NDUFA5: variants seen among roughly 807,000 people sequenced by gnomAD.
The protein encoded by NDUFA5 is NADH dehydrogenase [ubiquinone] 1 alpha subcomplex subunit 5.
NDUFA5 carries 11 observed loss-of-function variants against 19.8 expected under a neutral mutation model. The ratio of observed to expected loss-of-function variants is 0.56; its 90% CI spans 0.35 to 0.92. The LOEUF (loss-of-function observed/expected upper bound fraction) is 0.92, where lower values mean the gene tolerates loss of function less well. Among genes scored for constraint, NDUFA5 ranks in the 40% least tolerant of loss-of-function variants. NDUFA5 has a pLI of 0.01. For synonymous variants in NDUFA5, 47 were observed against 46.8 expected (o/e 1.00, Z -0.01); for missense variants, 109 against 134.2 (o/e 0.81, Z 0.93).
chr7:123,542,299 A>G (rs2117450442), intron 4 of NDUFA5, 79 bp from the exon 5 acceptor site: 2 of 975,522 alleles, frequency 2.1e-6, no homozygotes, highest in East Asian at 2.6e-5. Context: ...AAATTTAACT[A>G]TTAGTTACTA....
chr7:123,581,414 TAAAAAAAAA>T, the NDUFA5 span, among the ~76,000 whole-genome samples: 4 of 124,458 alleles, frequency 3.2e-5, no homozygotes, highest in African/African-American at 5.9e-5. Context: ...AGTGAGCACT[TAAAAAAAAA>T]AAAAAAAAAG....
chr7:123,588,799 A>T, the NDUFA5 span, among the ~76,000 whole-genome samples: 1 of 151,044 alleles, frequency 6.6e-6, no homozygotes, highest in Non-Finnish European at 1.5e-5. Context: ...AAGAGTTTTT[A>T]AATTTCCCTT....
At chr7:123,557,731 A>AC in intron 1 of NDUFA5, 44 bp downstream of exon 1, 1 of 1,612,958 alleles carries the variant, frequency 6.2e-7, no homozygotes. Context: ...GACTGAGTCT[A>AC]CCCCCACAGT....
the NDUFA5 span, among the ~76,000 whole-genome samples, chr7:123,577,398 T>A: frequency 6.6e-6 from 1 of 152,190 alleles, no homozygotes; most frequent in Non-Finnish European, 1.5e-5. Context: ...CAGTTTCCCT[T>A]CCTTTAACAG....
chr7:123,552,959 C>G (rs1243214983), intron 2 of NDUFA5, among the ~76,000 whole-genome samples: 1 of 152,192 alleles, frequency 6.6e-6, no homozygotes, highest in African/African-American at 2.4e-5. Context: ...AGCTTTCTTG[C>G]AATGTATTTT....
At chr7:123,546,798 A>G in intron 3 of NDUFA5, 1 of 772,252 alleles carries the variant, frequency 1.3e-6, no homozygotes, top group Non-Finnish European at 1.9e-6. Flanking sequence ...TTAACTACTG[A>G]TAATTTGCAT....
the NDUFA5 span, among the ~76,000 whole-genome samples, chr7:123,582,766 T>C: frequency 6.6e-6 from 1 of 151,988 alleles, no homozygotes; most frequent in African/African-American, 2.4e-5. Context: ...TGATCATCTA[T>C]TCATCCCCTC....
At chr7:123,567,076 G>A in the NDUFA5 span, 1 of 152,328 alleles carries the variant, frequency 6.6e-6, no homozygotes, top group East Asian at 1.9e-4. Flanking sequence ...AGAGCTATTT[G>A]ATCCTGACTA....
chr7:123,573,966 C>T, the NDUFA5 span, among the ~76,000 whole-genome samples: 17 of 152,104 alleles, frequency 1.1e-4, no homozygotes, highest in African/African-American at 3.9e-4. Context: ...TTTAACTGAA[C>T]TTCATTAGGT....
Position 123,541,895 on chromosome 7 carries a change from G to A in NDUFA5, c.*224C>T, listed in dbSNP as rs374481110. ...TTTCAAATCTTCCCATGGCCTCTCT[G>A]TTCACAGAAATATCATCTTTGAAAC... On this transcript the variant is annotated 3_prime_UTR_variant, in exon 5 of 5. Coordinates refer to ENST00000355749, the MANE Select transcript of NDUFA5 (RefSeq NM_005000.5). The A allele has an allele frequency of 7.7e-4, 229 of 297,894 alleles. 1 individual carries two copies. The highest frequency in any genetic ancestry group is 4.3e-3 in the African/African-American group (198 of 45,856). 18.5% of individuals were successfully genotyped at this position (297,894 alleles called of 1,614,324 possible). A position where few individuals can be genotyped will look rare whatever the true frequency, so the allele number is the denominator to read the frequency against.
chr7:123,575,461 A>G, the NDUFA5 span, among the ~76,000 whole-genome samples: 4 of 152,096 alleles, frequency 2.6e-5, no homozygotes, highest in African/African-American at 4.8e-5. Context: ...ATCATACACA[A>G]TTAAAGAAAA....
chr7:123,560,882 A>G (rs1562902107), upstream of NDUFA5, among the ~76,000 whole-genome samples: 1 of 152,244 alleles, frequency 6.6e-6, no homozygotes, highest in African/African-American at 2.4e-5. Flanking sequence ...AGCAATCAAT[A>G]TACAAAAATA....
At chr7:123,545,061 T>C (rs184448137) in intron 4 of NDUFA5, among the ~76,000 whole-genome samples, 267 of 152,134 alleles carry the variant, frequency 1.8e-3, no homozygotes, top group African/African-American at 6.1e-3. Context: ...TGTTAATAAT[T>C]TTTCTAATCT....
At chr7:123,560,902 C>T (rs191359973), upstream of NDUFA5, among the ~76,000 whole-genome samples, 38 of 152,184 alleles carry the variant, frequency 2.5e-4, no homozygotes, top group Admixed American at 2.2e-3. Context: ...ATGCTCTAGT[C>T]TATTATAGCA....
chr7:123,577,743 A>G, the NDUFA5 span, among the ~76,000 whole-genome samples: 1 of 152,118 alleles, frequency 6.6e-6, no homozygotes, highest in Non-Finnish European at 1.5e-5. Context: ...TTTTAAATCC[A>G]CTAACTGTTC....
upstream of NDUFA5, chr7:123,558,341 G>A (rs537212654): frequency 1.3e-5 from 2 of 154,384 alleles, no homozygotes; most frequent in African/African-American, 4.8e-5. Context: ...GATTTCACTG[G>A]CTGAAATACA....
chr7:123,581,472 G>A, the NDUFA5 span, among the ~76,000 whole-genome samples: 1 of 150,740 alleles, frequency 6.6e-6, no homozygotes, highest in Non-Finnish European at 1.5e-5. Flanking sequence ...CAGAGAAAGG[G>A]GATCCCATCC....
the NDUFA5 span, among the ~76,000 whole-genome samples, chr7:123,599,593 C>T: frequency 6.6e-6 from 1 of 152,166 alleles, no homozygotes; most frequent in African/African-American, 2.4e-5. Context: ...CACATTGCTC[C>T]CTGGAAATTC....
chr7:123,591,558 A>C, the NDUFA5 span, among the ~76,000 whole-genome samples: 1 of 152,172 alleles, frequency 6.6e-6, no homozygotes. Context: ...TGAGATAATC[A>C]TGTGGTTTTT....
Sources: allele counts gnomAD v4.1 joint callset (sites outside exome capture counted in the v4.1 genomes callset), GRCh38; gene constraint gnomAD v4.1.1; transcripts MANE v1.5; gene names NCBI Gene and HGNC (gene_info 2026-07-23, HGNC 2026-07-21).